Variants in PCDH15 observed in about 807,000 individuals in gnomAD.
PCDH15 encodes the protein protocadherin related 15.
Under a neutral mutation model 178.5 loss-of-function variants are expected in PCDH15, and 129 were observed. The observed-to-expected ratio is 0.72, with a 90% CI of 0.63 to 0.84. The LOEUF (loss-of-function observed/expected upper bound fraction) is 0.84. Ranked by LOEUF, PCDH15 falls within the 40% of genes least tolerant of loss-of-function variation. The pLI is 0.00. For synonymous variants in PCDH15, 800 were observed against 732.0 expected, an observed-to-expected ratio of 1.09 and a Z score of -1.50; for missense variants, 2,230 against 2,099.9, an observed-to-expected ratio of 1.06 and a Z score of -1.21.
chr10:55,255,213 T>C (rs1335394269), intron 1 of PCDH15, among the ~76,000 whole-genome samples: 2 of 125,150 alleles, frequency 1.6e-5, no homozygotes, highest in South Asian at 6.3e-4. Flanking sequence ...TTTGGTTTTT[T>C]GTCCTTGTGA....
intron 2 of PCDH15, among the ~76,000 whole-genome samples, chr10:55,443,594 G>C (rs1445034957): frequency 6.6e-6 from 1 of 152,004 alleles, no homozygotes; most frequent in Admixed American, 6.6e-5. Context: ...ATACCATCTT[G>C]CTCCATTTAG....
chr10:54,633,458 T>C (rs1027935052), intron 2 of PCDH15, among the ~76,000 whole-genome samples: 1 of 151,912 alleles, frequency 6.6e-6, no homozygotes, highest in Non-Finnish European at 1.5e-5. Context: ...AACACTAGTG[T>C]CAAAGATCAA....
chr10:54,890,218 G>T (rs1481959383), intron 3 of PCDH15, among the ~76,000 whole-genome samples: 1 of 151,908 alleles, frequency 6.6e-6, no homozygotes, highest in African/African-American at 2.4e-5. Context: ...CATCACATGA[G>T]CGTGGATAAA....
chr10:54,184,195 C>T (rs2048271000), intron 12 of PCDH15, among the ~76,000 whole-genome samples: 1 of 152,106 alleles, frequency 6.6e-6, no homozygotes, highest in Non-Finnish European at 1.5e-5. Flanking sequence ...TGCTACAGCA[C>T]CACCATCTTT....
At chr10:54,474,387 G>A (rs2078127100) in intron 3 of PCDH15, among the ~76,000 whole-genome samples, 1 of 151,952 alleles carries the variant, frequency 6.6e-6, no homozygotes, top group African/African-American at 2.4e-5. Flanking sequence ...ATCAAAACAG[G>A]AATTGGGTTT....
At chr10:54,452,937 GCTTGT>G (rs2076572966) in intron 3 of PCDH15, among the ~76,000 whole-genome samples, 1 of 152,110 alleles carries the variant, frequency 6.6e-6, no homozygotes, top group Non-Finnish European at 1.5e-5. Flanking sequence ...CAGAATGTGA[GCTTGT>G]TTGTAAATCA....
intron 3 of PCDH15, among the ~76,000 whole-genome samples, chr10:54,403,828 CCATT>C (rs1329768819): frequency 6.6e-6 from 1 of 151,178 alleles, no homozygotes; most frequent in Admixed American, 6.6e-5. Context: ...GAAATCAATC[CCATT>C]CATAACTGCC....
intron 3 of PCDH15, among the ~76,000 whole-genome samples, chr10:54,892,357 T>A (rs1032594132): frequency 1.3e-5 from 2 of 152,032 alleles, no homozygotes; most frequent in Admixed American, 1.3e-4. Flanking sequence ...GTAAGAATAA[T>A]GTGAAGTCAT....
chr10:55,156,456 G>A (rs1838893053), intron 2 of PCDH15, among the ~76,000 whole-genome samples: 1 of 151,990 alleles, frequency 6.6e-6, no homozygotes, highest in Admixed American at 6.6e-5. Context: ...TTGACCAATT[G>A]GCACCTCCAT....
At chr10:55,003,890 G>T (rs186649672) in intron 2 of PCDH15, among the ~76,000 whole-genome samples, 1 of 152,060 alleles carries the variant, frequency 6.6e-6, no homozygotes, top group African/African-American at 2.4e-5. Context: ...ATCTCAAGTT[G>T]GGGCCTGGAG....
intron 14 of PCDH15, among the ~76,000 whole-genome samples, chr10:54,139,301 T>TA (rs147978777): frequency 0.031 from 4,616 of 148,876 alleles, 87 homozygotes; most frequent in Middle Eastern, 0.08. Context: ...CATCAGCTAT[T>TA]AAAAAAAAAA....
chr10:55,002,387 T>C (rs927618603), intron 2 of PCDH15, among the ~76,000 whole-genome samples: 3 of 152,252 alleles, frequency 2.0e-5, no homozygotes, highest in East Asian at 3.8e-4. Flanking sequence ...GAAAAGTTAA[T>C]TGTGTTACTT....
At chr10:54,787,673 A>T (rs1157751306) in intron 1 of PCDH15, among the ~76,000 whole-genome samples, 1 of 151,804 alleles carries the variant, frequency 6.6e-6, no homozygotes, top group Non-Finnish European at 1.5e-5. Context: ...GAAATCAGAG[A>T]TTTTCAGTTT....
chr10:54,187,073 C>T (rs934092812), intron 11 of PCDH15, among the ~76,000 whole-genome samples: 1 of 151,952 alleles, frequency 6.6e-6, no homozygotes, highest in Non-Finnish European at 1.5e-5. Flanking sequence ...AGCACATATA[C>T]ACTTCTCTAA....
At chr10:54,260,799 A>AT (rs34659260) in intron 8 of PCDH15, among the ~76,000 whole-genome samples, 27 of 152,028 alleles carry the variant, frequency 1.8e-4, no homozygotes, top group African/African-American at 6.3e-4. Flanking sequence ...CCTCTGGCTA[A>AT]TTTTTGTATT....
At chr10:55,059,487 T>A (rs1293242856) in intron 2 of PCDH15, among the ~76,000 whole-genome samples, 1 of 152,164 alleles carries the variant, frequency 6.6e-6, no homozygotes, top group African/African-American at 2.4e-5. Context: ...CTACTTAGCA[T>A]CAATTGTGCT....
intron 20 of PCDH15, among the ~76,000 whole-genome samples, chr10:54,017,480 C>A (rs1178658162): frequency 2.6e-5 from 4 of 152,244 alleles, no homozygotes; most frequent in Non-Finnish European, 4.4e-5. Context: ...AAACCATGTC[C>A]TTTGCAGTAA....
chr10:55,546,904 CAGG>C (rs767069366), intron 2 of PCDH15, among the ~76,000 whole-genome samples: 34 of 151,932 alleles, frequency 2.2e-4, no homozygotes, highest in Admixed American at 9.2e-4. Context: ...CAGGAGGCAG[CAGG>C]AGCTTTCAGT....
intron 2 of PCDH15, among the ~76,000 whole-genome samples, chr10:54,585,001 T>C (rs2091347796): frequency 6.6e-6 from 1 of 152,126 alleles, no homozygotes; most frequent in South Asian, 2.1e-4. Context: ...AGGTTTGCTT[T>C]CATTACATGA....
Sources: allele counts gnomAD v4.1 joint callset (sites outside exome capture counted in the v4.1 genomes callset), GRCh38; gene constraint gnomAD v4.1.1; transcripts MANE v1.5; gene names NCBI Gene and HGNC (gene_info 2026-07-23, HGNC 2026-07-21).